The following SYNPO variants were observed in gnomAD, a reference collection of about 807,000 sequenced individuals.
SYNPO encodes the protein synaptopodin.
SYNPO carries 19 observed loss-of-function variants against 49.5 expected under a neutral mutation model. That is an observed-to-expected ratio of 0.38 (90% CI 0.27 to 0.56). SYNPO has a LOEUF of 0.56. SYNPO is among the 20% of genes least tolerant of loss of function. The pLI, the probability that SYNPO is intolerant of heterozygous loss-of-function variation, is 0.68. For synonymous variants in SYNPO, 536 were observed against 548.0 expected (o/e 0.98, Z 0.31); for missense variants, 1,131 against 1,248.3 (o/e 0.91, Z 1.42).
At chr5:150,639,804 A>T (rs916969224), upstream of SYNPO, among the ~76,000 whole-genome samples, 7 of 152,336 alleles carry the variant, frequency 4.6e-5, no homozygotes, top group East Asian at 3.9e-4. Context: ...TGTGGTGGGG[A>T]CAAGGGAGGA....
At chr5:150,616,319 A>G (rs780114258) in intron 1 of SYNPO, among the ~76,000 whole-genome samples, 3 of 152,034 alleles carry the variant, frequency 2.0e-5, no homozygotes, top group Non-Finnish European at 2.9e-5. Flanking sequence ...GACTCTCACA[A>G]TTTTCAGGAT....
chr5:150,592,901 T>C, the SYNPO span, among the ~76,000 whole-genome samples: 1 of 152,234 alleles, frequency 6.6e-6, no homozygotes, highest in Non-Finnish European at 1.5e-5. Context: ...GAACCTTGTG[T>C]CCAGTGATAG....
Position 150,648,956 on chromosome 5 carries a change from C to T in SYNPO, c.681C>T (p.Phe227=). The T allele has an allele frequency of 6.2e-7, 1 of 1,614,254 alleles. No homozygotes were observed. Among genetic ancestry groups the T allele is most frequent in the South Asian group, 1.1e-5 (1 of 91,090 alleles). ...TPTKVYSEVH[F]TLAKPPSVVN... The stretch of plus-strand genomic sequence containing the variant: ...CCAAGGTCTACAGTGAGGTCCACTT[C>T]ACACTGGCCAAGCCCCCATCAGTGG... Residue 227 remains phenylalanine (F), a synonymous_variant, in exon 2 of 3, where the codon TTC becomes TTT. Coordinates refer to ENST00000307662, the MANE Select transcript of SYNPO (RefSeq NM_007286.6). The surrounding 1 kb of genome is among the most constrained non-coding windows in gnomAD (Gnocchi z 5.0).
At chr5:150,616,959 A>G (rs567589988) in intron 1 of SYNPO, among the ~76,000 whole-genome samples, 6 of 152,000 alleles carry the variant, frequency 3.9e-5, no homozygotes, top group Non-Finnish European at 7.4e-5. Flanking sequence ...AGCTCTCCTC[A>G]CCACATTTTA....
chr5:150,620,728 C>T (rs1310182756), intron 2 of SYNPO, among the ~76,000 whole-genome samples: 1 of 152,152 alleles, frequency 6.6e-6, no homozygotes, highest in Non-Finnish European at 1.5e-5. Context: ...TTATTGTACT[C>T]TCAAGGCAGG....
At position 150,657,011 on chromosome 5, in the gene SYNPO, T is replaced by G. The variant is rs201720196; in HGVS notation, c.2636T>G (p.Ile879Ser). 6.2e-7 allele frequency: 1 copy of G among 1,600,602 alleles called. No homozygotes were observed. Among genetic ancestry groups the G allele is most frequent in the Non-Finnish European group, 8.5e-7 (1 of 1,174,230 alleles). Reference protein sequence around the residue: ...AKSPGILGYNICPRGWNGSLR... With the variant: ...AKSPGILGYNSCPRGWNGSLR... ...TCTCCAGGCATCCTGGGCTACAATA[T>G]CTGTCCCCGCGGGTGGAATGGCAGC... The change falls in exon 3 of 3, where the codon ATC becomes AGC. Residue 879 changes from isoleucine (I) to serine (S), a missense_variant. By Grantham distance (142) the Ile-to-Ser change is moderately radical. This residue lies in a region of SYNPO where 509 missense variants were observed against 484.5 expected (regional missense o/e 1.05). Coordinates refer to ENST00000307662, the MANE Select transcript of SYNPO (RefSeq NM_007286.6).
chr5:150,638,665 C>T (rs1199085677), upstream of SYNPO, among the ~76,000 whole-genome samples: 1 of 152,178 alleles, frequency 6.6e-6, no homozygotes, highest in Non-Finnish European at 1.5e-5. Flanking sequence ...ATCTTTGTGG[C>T]GGGCCCAGAG....
chr5:150,651,550 G>A (rs1267312732), intron 2 of SYNPO: 4 of 1,001,940 alleles, frequency 4.0e-6, no homozygotes, highest in African/African-American at 1.7e-5. Flanking sequence ...GGTGAGGGAA[G>A]GGTTGGAATG....
the SYNPO span, among the ~76,000 whole-genome samples, chr5:150,588,358 A>C: frequency 1.3e-5 from 2 of 152,128 alleles, no homozygotes; most frequent in Admixed American, 1.3e-4. Flanking sequence ...ACCTTCCTGG[A>C]ACTTTGTCAC....
At chr5:150,597,784 G>A (rs574064342), upstream of SYNPO, among the ~76,000 whole-genome samples, 14 of 152,194 alleles carry the variant, frequency 9.2e-5, no homozygotes, top group East Asian at 2.1e-3. Context: ...CACTACAGGC[G>A]CATGCCACCA....
intron 1 of SYNPO, among the ~76,000 whole-genome samples, chr5:150,641,721 A>G (rs950735618): frequency 6.6e-6 from 1 of 152,180 alleles, no homozygotes; most frequent in Non-Finnish European, 1.5e-5. Flanking sequence ...CTCATCTTTC[A>G]TGCCTTATCA....
intron 1 of SYNPO, among the ~76,000 whole-genome samples, chr5:150,602,997 G>GGGGGGGTGT (rs1554106602): frequency 2.0e-4 from 26 of 131,184 alleles, no homozygotes; most frequent in African/African-American, 7.7e-4. Context: ...GCCACCTTAG[G>GGGGGGGTGT]GTGTGTGTGT....
chr5:150,610,932 A>G (rs995567866), intron 1 of SYNPO, among the ~76,000 whole-genome samples: 2 of 152,234 alleles, frequency 1.3e-5, no homozygotes, highest in Non-Finnish European at 2.9e-5. Flanking sequence ...TATTAGCCTA[A>G]GAAATATGTC....
chr5:150,629,115 C>G (rs1379486997), intron 2 of SYNPO, among the ~76,000 whole-genome samples: 2 of 152,088 alleles, frequency 1.3e-5, no homozygotes, highest in Admixed American at 1.3e-4. Context: ...ACCTCCTGGG[C>G]TCAAGTGATC....
In SYNPO at chr5:150,648,317, G is replaced by A. The variant is rs1758188226; in HGVS notation, c.42G>A (p.Leu14=). ...YSEEASLLRH[L]EKVASEEEEV... ...AGGAGGCTAGCTTGCTGCGGCACCT[G>A]GAGAAGGTGGCCAGTGAGGAGGAAG... Residue 14 remains leucine, a synonymous_variant, in exon 2 of 3, where the codon CTG becomes CTA. Transcript: ENST00000307662. This position sits in a 1 kb window ranked among gnomAD's most constrained non-coding sequence, Gnocchi z 5.0. 6.2e-7 allele frequency: 1 copy of A among 1,614,078 alleles called. No homozygotes were observed. Among genetic ancestry groups the A allele is most frequent in the African/African-American group, 1.3e-5 (1 of 74,918 alleles).
At chr5:150,587,681 C>G in the SYNPO span, among the ~76,000 whole-genome samples, 1 of 152,160 alleles carries the variant, frequency 6.6e-6, no homozygotes, top group Admixed American at 6.5e-5. Context: ...GAGCTCAGTT[C>G]CCTCTTATAG....
chr5:150,638,911 G>T (rs542150087), upstream of SYNPO, among the ~76,000 whole-genome samples: 1 of 152,240 alleles, frequency 6.6e-6, no homozygotes, highest in East Asian at 1.9e-4. Flanking sequence ...AGGGGGCTTC[G>T]TGAGCACAGG....
At position 150,658,998 on chromosome 5, in the gene SYNPO, C is replaced by T. The variant is rs1266168862; in HGVS notation, c.*1911C>T. The T allele has an allele frequency of 3.9e-5, 6 of 152,344 alleles. No individual in the cohort carries two copies. The highest frequency in any genetic ancestry group is 3.3e-4 in the Admixed American group (5 of 15,284). The allele number at this position is 152,344 out of a possible 1,614,324, so 9.4% of individuals were successfully genotyped here. The stretch of plus-strand genomic sequence containing the variant: ...ATCAGGCCTCTGGCTGAGGCAGTAG[C>T]ATAGAGGATCCATTTCTACCTGCAT... On this transcript the variant is annotated 3_prime_UTR_variant, in exon 3 of 3. Transcript: ENST00000307662.
At chr5:150,602,161 A>G (rs576466695) in intron 1 of SYNPO, among the ~76,000 whole-genome samples, 40 of 152,322 alleles carry the variant, frequency 2.6e-4, no homozygotes, top group African/African-American at 8.7e-4. Context: ...TGGGGCTCCC[A>G]GAGGGCCTAG....
Sources: allele counts gnomAD v4.1 joint callset (sites outside exome capture counted in the v4.1 genomes callset), GRCh38; gene constraint gnomAD v4.1.1; regional missense constraint gnomAD v4.1.1; non-coding constraint Gnocchi (gnomAD v3.1); transcripts MANE v1.5; gene names NCBI Gene and HGNC (gene_info 2026-07-23, HGNC 2026-07-21).